EYA1: variants seen among roughly 807,000 people sequenced by gnomAD.
The protein encoded by EYA1 is protein phosphatase EYA1.
A neutral mutation model predicts 82.0 loss-of-function variants in EYA1; 16 were observed. The ratio of observed to expected loss-of-function variants is 0.20; its 90% CI spans 0.13 to 0.30. The LOEUF (loss-of-function observed/expected upper bound fraction) is 0.30, where lower values mean the gene tolerates loss of function less well. Ranked by LOEUF, EYA1 falls within the 10% of genes least tolerant of loss-of-function variation. EYA1 has a pLI of 1.00. For missense variants in EYA1, 633 were observed against 730.7 expected, an observed-to-expected ratio of 0.87 and a Z score of 1.54; for synonymous variants, 261 against 264.4, an observed-to-expected ratio of 0.99 and a Z score of 0.12.
intron 2 of EYA1, among the ~76,000 whole-genome samples, chr8:71,401,488 A>G (rs1286773718): frequency 6.6e-6 from 1 of 152,216 alleles, no homozygotes; most frequent in Non-Finnish European, 1.5e-5. Flanking sequence ...GAATAAAATC[A>G]CTTACAGCTT....
intron 11 of EYA1, among the ~76,000 whole-genome samples, chr8:71,246,970 C>T (rs1051197831): frequency 1.3e-5 from 2 of 151,730 alleles, no homozygotes; most frequent in African/African-American, 4.8e-5. Context: ...GCACCTCCCA[C>T]ATCCCTCCAG....
At chr8:71,225,116 G>A (rs1324646689) in intron 12 of EYA1, 1 of 341,322 alleles carries the variant, frequency 2.9e-6, no homozygotes, top group African/African-American at 2.2e-5. Context: ...GTAAAGAGGA[G>A]ACTGCCCAAC....
At chr8:71,494,749 G>A (rs1434448631) in intron 2 of EYA1, among the ~76,000 whole-genome samples, 1 of 152,118 alleles carries the variant, frequency 6.6e-6, no homozygotes, top group South Asian at 2.1e-4. Flanking sequence ...GCTGCTTTAA[G>A]TCAAGCATTT....
intron 2 of EYA1, among the ~76,000 whole-genome samples, chr8:71,500,525 T>C (rs1215305497): frequency 1.3e-5 from 2 of 152,198 alleles, no homozygotes; most frequent in Non-Finnish European, 2.9e-5. Flanking sequence ...CTATTTTCTC[T>C]AGGAGTCTCG....
intron 11 of EYA1, among the ~76,000 whole-genome samples, chr8:71,260,079 A>C (rs977540167): frequency 2.0e-5 from 3 of 152,176 alleles, no homozygotes; most frequent in African/African-American, 7.2e-5. Flanking sequence ...CCAAAAGAAA[A>C]ATTGTTCCTA....
At chr8:71,220,147 C>A (rs1356078635) in intron 12 of EYA1, among the ~76,000 whole-genome samples, 4 of 152,062 alleles carry the variant, frequency 2.6e-5, no homozygotes. Context: ...AATATATATT[C>A]CTAAAAACCC....
At chr8:71,473,643 G>A (rs546489098) in intron 2 of EYA1, among the ~76,000 whole-genome samples, 7 of 152,220 alleles carry the variant, frequency 4.6e-5, no homozygotes, top group African/African-American at 1.4e-4. Flanking sequence ...ACAGTGTGGC[G>A]ATTCCTCAAG....
chr8:71,211,012 C>T, intron 17 of EYA1, 144 bp downstream of exon 17: 1 of 685,554 alleles, frequency 1.5e-6, no homozygotes. Context: ...TTATTGAATT[C>T]TACTTTACCC....
intron 11 of EYA1, 122 bp from the exon 12 acceptor site, chr8:71,244,814 G>C (rs1812880848): frequency 6.2e-6 from 4 of 649,452 alleles, no homozygotes; most frequent in Non-Finnish European, 1.1e-5. Flanking sequence ...AGAGAGACTT[G>C]GGCAACAGCT....
chr8:71,416,043 G>A (rs1200127504), intron 2 of EYA1, among the ~76,000 whole-genome samples: 6 of 152,136 alleles, frequency 3.9e-5, no homozygotes, highest in Non-Finnish European at 4.4e-5. Context: ...CTGCTTCCCT[G>A]TGCCGCAGGA....
At chr8:71,536,722 C>A (rs575331311) in intron 1 of EYA1, among the ~76,000 whole-genome samples, 1 of 152,176 alleles carries the variant, frequency 6.6e-6, no homozygotes, top group African/African-American at 2.4e-5. Context: ...AGTATTACCA[C>A]GATAAAATTA....
chr8:71,497,343 G>T (rs1304928686), intron 2 of EYA1, among the ~76,000 whole-genome samples: 1 of 152,102 alleles, frequency 6.6e-6, no homozygotes, highest in Non-Finnish European at 1.5e-5. Context: ...TTGTGATTAG[G>T]GATTAACATG....
intron 2 of EYA1, among the ~76,000 whole-genome samples, chr8:71,375,196 T>C (rs1370130117): frequency 6.6e-6 from 1 of 152,148 alleles, no homozygotes; most frequent in Non-Finnish European, 1.5e-5. Flanking sequence ...ATAGGTTAAT[T>C]TGTTTGACTA....
Position 71,354,804 on chromosome 8 carries a change from G to A in EYA1, c.102C>T (p.Ser34=). 1 of 1,613,442 alleles carries A rather than the reference G, an allele frequency of 6.2e-7. No individual in the cohort carries two copies. The highest frequency in any genetic ancestry group is 8.5e-7 in the Non-Finnish European group (1 of 1,179,510). ...KLGNSHINSN[S]MTPNGTEVKT... ...CACCTTCGGTGCCATTGGGAGTCAT[G>A]GAATTACTATTTATATGAGAGTTAC... is the stretch of plus-strand genomic sequence containing the variant. Residue 34 remains serine, a synonymous_variant, in exon 3 of 18, where the codon TCC becomes TCT. Transcript: ENST00000340726.
intron 2 of EYA1, among the ~76,000 whole-genome samples, chr8:71,451,734 C>A (rs1807394484): frequency 6.6e-6 from 1 of 152,088 alleles, no homozygotes; most frequent in African/African-American, 2.4e-5. Context: ...AATTTTTAGT[C>A]TTCCAATATC....
Position 71,507,790 on chromosome 8 carries a change from A to T in EYA1, c.33+27954T>A, listed in dbSNP as rs137869456. 7.7e-3 allele frequency among the ~76,000 whole-genome samples: 1,171 copies of T among 152,336 alleles called. 8 individuals carry two copies. Among genetic ancestry groups the T allele is most frequent in the South Asian group, 0.012 (59 of 4,828 alleles). ...GTGTGCTATCTTTTGTGTAGAGAAA[A>T]GGAATAAGAATATGCATTTGTTGGA... On this transcript the variant is annotated intron_variant, in intron 2 of 18. Transcript: ENST00000643681.
intron 1 of EYA1, among the ~76,000 whole-genome samples, chr8:71,544,156 A>G (rs1815365814): frequency 1.3e-5 from 2 of 152,344 alleles, no homozygotes; most frequent in South Asian, 4.1e-4. Flanking sequence ...TTAAAACCAA[A>G]GGGCAACTCA....
intron 2 of EYA1, among the ~76,000 whole-genome samples, chr8:71,480,340 C>G (rs528893226): frequency 6.6e-6 from 1 of 151,920 alleles, no homozygotes; most frequent in Non-Finnish European, 1.5e-5. Context: ...ATGAGATTAC[C>G]GGGGTACAAA....
intron 9 of EYA1, among the ~76,000 whole-genome samples, chr8:71,286,915 C>T (rs1818447275): frequency 6.6e-6 from 1 of 151,098 alleles, no homozygotes; most frequent in Non-Finnish European, 1.5e-5. Flanking sequence ...CAATTCCCCG[C>T]CTCAGACTCC....
Sources: gnomAD v4.1 joint callset for allele counts (sites outside exome capture counted in the v4.1 genomes callset) on GRCh38, gnomAD v4.1.1 for gene constraint, MANE v1.5 for transcripts, NCBI Gene and HGNC (gene_info 2026-07-23, HGNC 2026-07-21) for gene names.